Variants in CADM1 observed in about 807,000 individuals in gnomAD.
CADM1 encodes cell adhesion molecule 1.
A neutral mutation model predicts 53.1 loss-of-function variants in CADM1; 15 were observed. The ratio of observed to expected loss-of-function variants is 0.28; its 90% confidence interval spans 0.19 to 0.44. CADM1 has a LOEUF of 0.44. Among genes scored for constraint, CADM1 ranks in the 20% least tolerant of loss-of-function variants. CADM1 has a pLI of 1.00. For synonymous variants in CADM1, 281 were observed against 243.0 expected (o/e 1.16, Z -1.45); for missense variants, 434 against 611.3 (o/e 0.71, Z 3.06).
intron 1 of CADM1, among the ~76,000 whole-genome samples, chr11:115,358,947 A>C (rs1487175942): frequency 6.6e-6 from 1 of 152,196 alleles, no homozygotes; most frequent in Non-Finnish European, 1.5e-5. Flanking sequence ...TTCTATTGTC[A>C]GAACATAAAG....
chr11:115,222,276 C>T (rs1024965906), intron 5 of CADM1, among the ~76,000 whole-genome samples: 2 of 152,042 alleles, frequency 1.3e-5, no homozygotes, highest in African/African-American at 2.4e-5. Flanking sequence ...TGGAGTAGAA[C>T]GACAATGCAA....
At chr11:115,293,503 T>C (rs1031271584) in intron 1 of CADM1, among the ~76,000 whole-genome samples, 5 of 152,148 alleles carry the variant, frequency 3.3e-5, no homozygotes, top group Admixed American at 2.6e-4. Context: ...TCTGAAGATC[T>C]CTGAGGTTTC....
At chr11:115,485,209 G>A (rs890898067) in intron 1 of CADM1, among the ~76,000 whole-genome samples, 10 of 151,972 alleles carry the variant, frequency 6.6e-5, no homozygotes, top group African/African-American at 2.4e-4. Context: ...TTAACTTCCA[G>A]TCCTCTGACT....
At chr11:115,412,092 T>C (rs1001478249) in intron 1 of CADM1, among the ~76,000 whole-genome samples, 2 of 152,216 alleles carry the variant, frequency 1.3e-5, no homozygotes, top group African/African-American at 4.8e-5. Flanking sequence ...TGAGAAAGCA[T>C]AGAAACAGCT....
chr11:115,422,321 CA>C (rs1947777486), intron 1 of CADM1, among the ~76,000 whole-genome samples: 1 of 152,108 alleles, frequency 6.6e-6, no homozygotes, highest in Non-Finnish European at 1.5e-5. Flanking sequence ...CTGTAAAAAT[CA>C]GGTGTGAATA....
At chr11:115,456,987 T>C (rs933255160) in intron 1 of CADM1, among the ~76,000 whole-genome samples, 2 of 152,144 alleles carry the variant, frequency 1.3e-5, no homozygotes, top group African/African-American at 4.8e-5. Flanking sequence ...ACCTCTGTCT[T>C]ATCCACCTGT....
chr11:115,491,171 C>G (rs180740268), intron 1 of CADM1, among the ~76,000 whole-genome samples: 1 of 151,780 alleles, frequency 6.6e-6, no homozygotes, highest in Non-Finnish European at 1.5e-5. Flanking sequence ...AAAAGACAGC[C>G]GATCAGAAGC....
chr11:115,284,093 T>TCTCTCTCTCTCTCTCTCC (rs1310563128), intron 1 of CADM1, among the ~76,000 whole-genome samples: 12 of 126,970 alleles, frequency 9.5e-5, no homozygotes, highest in Admixed American at 1.7e-4. Context: ...AGACACTCTC[T>TCTCTCTCTCTCTCTCTCC]CTCTCTCTCT....
At chr11:115,263,779 G>T (rs571049647) in intron 1 of CADM1, among the ~76,000 whole-genome samples, 1 of 152,248 alleles carries the variant, frequency 6.6e-6, no homozygotes, top group Non-Finnish European at 1.5e-5. Flanking sequence ...ACTGTAAACA[G>T]AAACAGGCAA....
At chr11:115,307,521 T>C (rs796106424) in intron 1 of CADM1, among the ~76,000 whole-genome samples, 1 of 140,454 alleles carries the variant, frequency 7.1e-6, no homozygotes, top group Non-Finnish European at 1.5e-5. Flanking sequence ...AAAAAAAATA[T>C]ATATATATAT....
intron 1 of CADM1, among the ~76,000 whole-genome samples, chr11:115,492,642 T>C (rs1285967968): frequency 6.6e-6 from 1 of 152,168 alleles, no homozygotes; most frequent in African/African-American, 2.4e-5. Context: ...TTGTCTACAA[T>C]GGTCTTGGTG....
chr11:115,240,425 A>G lies in CADM1; in HGVS notation c.125-5T>C. ...TAAACAGATTCTGCCCATCACCTTA[A>G]AAAAAGGGAAGAAAAGGTCAGAGGA... On this transcript the variant is annotated splice_region_variant and splice_polypyrimidine_tract_variant and intron_variant, in intron 1 of 11. Coordinates refer to ENST00000331581, the MANE Select transcript of CADM1 (RefSeq NM_001301043.2). 6.2e-7 allele frequency: 1 copy of G among 1,613,530 alleles called. No individual in the cohort carries two copies. The highest frequency in any genetic ancestry group is 1.7e-5 in the Admixed American group (1 of 59,942).
chr11:115,219,066 T>C (rs1941304278), intron 5 of CADM1, among the ~76,000 whole-genome samples: 1 of 152,194 alleles, frequency 6.6e-6, no homozygotes, highest in South Asian at 2.1e-4. Flanking sequence ...TTTTTGGAAA[T>C]GTACCCAAGA....
At chr11:115,317,992 ACAC>A (rs2135180074) in intron 1 of CADM1, among the ~76,000 whole-genome samples, 1 of 150,552 alleles carries the variant, frequency 6.6e-6, no homozygotes, top group East Asian at 1.9e-4. Context: ...CTACACACAC[ACAC>A]ACACACACAC....
intron 1 of CADM1, among the ~76,000 whole-genome samples, chr11:115,402,130 A>G (rs1591782601): frequency 6.6e-6 from 1 of 152,356 alleles, no homozygotes; most frequent in South Asian, 2.1e-4. Flanking sequence ...TGCATAGCAA[A>G]ATAAAACAAA....
At chr11:115,385,565 A>G (rs566801963) in intron 1 of CADM1, among the ~76,000 whole-genome samples, 1 of 152,032 alleles carries the variant, frequency 6.6e-6, no homozygotes, top group East Asian at 1.9e-4. Flanking sequence ...CTTGGAATGT[A>G]TACAAAGTCT....
intron 1 of CADM1, among the ~76,000 whole-genome samples, chr11:115,463,271 A>T (rs1460315176): frequency 2.0e-5 from 3 of 152,194 alleles, no homozygotes; most frequent in African/African-American, 4.8e-5. Context: ...ACAGCCCTTG[A>T]AACAATTCTA....
At chr11:115,207,676 A>G (rs1230770968) in intron 8 of CADM1, among the ~76,000 whole-genome samples, 1 of 152,288 alleles carries the variant, frequency 6.6e-6, no homozygotes, top group East Asian at 1.9e-4. Context: ...TTTATATACC[A>G]CGTGAATAAG....
At chr11:115,313,832 G>GCCACC (rs374383997) in intron 1 of CADM1, among the ~76,000 whole-genome samples, 561 of 152,268 alleles carry the variant, frequency 3.7e-3, no homozygotes, top group African/African-American at 0.013. Flanking sequence ...CCTCCAGAGT[G>GCCACC]ACATGCAAAA....
Sources: allele counts gnomAD v4.1 joint callset (sites outside exome capture counted in the v4.1 genomes callset), GRCh38; gene constraint gnomAD v4.1.1; transcripts MANE v1.5; gene names NCBI Gene and HGNC (gene_info 2026-07-23, HGNC 2026-07-21).